CCSER2: variants seen among roughly 807,000 people sequenced by gnomAD.
CCSER2 encodes coiled-coil serine rich protein 2, also known as serine-rich coiled-coil domain-containing protein 2.
CCSER2 carries 46 observed loss-of-function variants against 92.3 expected under a neutral mutation model. That is an observed-to-expected ratio of 0.50 (90% confidence interval 0.39 to 0.64). The LOEUF (loss-of-function observed/expected upper bound fraction) is 0.64, where lower values mean the gene tolerates loss of function less well. Ranked by LOEUF, CCSER2 falls within the 30% of genes least tolerant of loss-of-function variation. CCSER2 has a pLI of 0.00. For synonymous variants in CCSER2, 433 were observed against 431.4 expected (o/e 1.00, Z -0.04); for missense variants, 1,244 against 1,238.9 (o/e 1.00, Z -0.06).
intron 3 of CCSER2, among the ~76,000 whole-genome samples, chr10:84,386,928 C>T (rs944551787): frequency 2.0e-5 from 3 of 152,048 alleles, no homozygotes; most frequent in Admixed American, 1.3e-4. Context: ...ATACTGGGGA[C>T]TTCAGAAGTG....
intron 1 of CCSER2, among the ~76,000 whole-genome samples, chr10:84,368,648 AT>A (rs201107124): frequency 2.0e-5 from 3 of 152,056 alleles, no homozygotes; most frequent in Admixed American, 6.6e-5. Flanking sequence ...AAAACCATGT[AT>A]TTTTTTAAAA....
At chr10:84,398,640 G>T (rs1841964101) in intron 3 of CCSER2, among the ~76,000 whole-genome samples, 1 of 152,150 alleles carries the variant, frequency 6.6e-6, no homozygotes, top group Non-Finnish European at 1.5e-5. Context: ...TGTTAAGGTA[G>T]GTTTGTTCCA....
At chr10:84,370,956 A>G in intron 1 of CCSER2, 58 bp from the exon 2 acceptor site, 1 of 758,536 alleles carries the variant, frequency 1.3e-6, no homozygotes, top group Non-Finnish European at 2.0e-6. Flanking sequence ...TTATGTAATA[A>G]TTCATGTAAT....
intron 1 of CCSER2, among the ~76,000 whole-genome samples, chr10:84,365,037 C>T (rs551547549): frequency 2.0e-5 from 3 of 151,668 alleles, no homozygotes; most frequent in East Asian, 1.9e-4. Context: ...TCACCACGCC[C>T]GGCCTGAAAA....
At chr10:84,380,931 G>A (rs1276478756) in intron 3 of CCSER2, among the ~76,000 whole-genome samples, 2 of 152,160 alleles carry the variant, frequency 1.3e-5, no homozygotes, top group East Asian at 1.9e-4. Context: ...TCCTGACCTC[G>A]TGATCTGCCC....
chr10:84,463,803 CCATTTGTTCTTCACCATGCTAG>C (rs1200869431), intron 6 of CCSER2, 108 bp from the exon 7 acceptor site: 16 of 588,962 alleles, frequency 2.7e-5, no homozygotes, highest in Admixed American at 1.3e-4. Context: ...ATTTTGTCTC[CCATTTGTTCTTCACCATGCTAG>C]CATTTGGTCT....
chr10:84,332,412 T>TATATATATA lies in CCSER2; in HGVS notation c.-40+3604_-40+3605insATATATATA, dbSNP rs1554828779. The stretch of plus-strand genomic sequence containing the variant: ...ATTTTATATTATTAAATTTATTTTT[T>TATATATATA]TATATATATATATATATATATATAT... On this transcript the variant is annotated intron_variant, in intron 1 of 9. Transcript: ENST00000372088. Among the ~76,000 whole-genome samples the TATATATATA allele has an allele frequency of 1.7e-4, 14 of 82,270 alleles. 1 individual carries two copies. Among genetic ancestry groups the TATATATATA allele is most frequent in the African/African-American group, 7.2e-4 (12 of 16,614 alleles). 54.0% of individuals were successfully genotyped at this position (82,270 alleles called of 152,430 possible). A position where few individuals can be genotyped will look rare whatever the true frequency, so the allele number is the denominator to read the frequency against.
chr10:84,494,756 G>T (rs1848354069), intron 9 of CCSER2, among the ~76,000 whole-genome samples: 1 of 152,146 alleles, frequency 6.6e-6, no homozygotes, highest in African/African-American at 2.4e-5. Flanking sequence ...TCATAACTCT[G>T]AGTCCTGACA....
At chr10:84,332,578 A>G (rs907276057) in intron 1 of CCSER2, among the ~76,000 whole-genome samples, 1 of 150,554 alleles carries the variant, frequency 6.6e-6, no homozygotes, top group African/African-American at 2.4e-5. Context: ...AGCTGGGACT[A>G]CAGGCACGCG....
chr10:84,387,653 C>T (rs1007004197), intron 3 of CCSER2, among the ~76,000 whole-genome samples: 8 of 150,804 alleles, frequency 5.3e-5, no homozygotes, highest in African/African-American at 1.7e-4. Context: ...CTCAGCCTCC[C>T]GAGTAGCTGG....
chr10:84,378,357 G>A lies in CCSER2; in HGVS notation c.1614+4542G>A, dbSNP rs907869040. Among the ~76,000 whole-genome samples the A allele has an allele frequency of 1.3e-5, 2 of 149,738 alleles. 1 individual carries two copies. The highest frequency in any genetic ancestry group is 4.9e-5 in the African/African-American group (2 of 40,780). On this transcript the variant is annotated intron_variant, in intron 3 of 9. Coordinates refer to ENST00000372088, the MANE Select transcript of CCSER2 (RefSeq NM_001284240.2). ...TCTTAGAATACATTCACTTGGTCGT[G>A]ATGTATTATCTTTTCAAATGTTGTT...
At chr10:84,442,314 A>G (rs1178468983) in intron 6 of CCSER2, among the ~76,000 whole-genome samples, 1 of 152,212 alleles carries the variant, frequency 6.6e-6, no homozygotes, top group Non-Finnish European at 1.5e-5. Context: ...TTTGAATTGT[A>G]TATTGATTTG....
chr10:84,508,309 A>G (rs1346552604), intron 9 of CCSER2, among the ~76,000 whole-genome samples: 3 of 152,218 alleles, frequency 2.0e-5, no homozygotes, highest in Admixed American at 6.5e-5. Flanking sequence ...GCTGTTCTCT[A>G]AGAGCCCAGA....
intron 3 of CCSER2, among the ~76,000 whole-genome samples, chr10:84,417,110 T>C (rs1018052097): frequency 4.6e-5 from 7 of 152,242 alleles, no homozygotes; most frequent in Admixed American, 4.6e-4. Flanking sequence ...ACCTTAGTTT[T>C]TGTTTATTCA....
At chr10:84,438,846 T>C in intron 6 of CCSER2, 139 bp downstream of exon 6, 1 of 550,026 alleles carries the variant, frequency 1.8e-6, no homozygotes, top group Non-Finnish European at 3.1e-6. Flanking sequence ...AAATAGTATA[T>C]AGTAGAAAGT....
chr10:84,412,870 A>G (rs972372430), intron 3 of CCSER2, among the ~76,000 whole-genome samples: 1 of 152,096 alleles, frequency 6.6e-6, no homozygotes, highest in African/African-American at 2.4e-5. Flanking sequence ...CTTTTCTCCC[A>G]AAAAAGGTGT....
chr10:84,364,015 T>C (rs528684584), intron 1 of CCSER2, among the ~76,000 whole-genome samples: 120 of 152,242 alleles, frequency 7.9e-4, no homozygotes, highest in South Asian at 5.4e-3. Context: ...TGTAACACAA[T>C]GGTAAGGAAT....
At chr10:84,347,745 C>T (rs1473743078) in intron 1 of CCSER2, among the ~76,000 whole-genome samples, 3 of 149,076 alleles carry the variant, frequency 2.0e-5, no homozygotes, top group South Asian at 2.1e-4. Flanking sequence ...TCAGACGGGG[C>T]GGCTGCCGGG....
At chr10:84,499,166 T>C (rs1848594011) in intron 9 of CCSER2, among the ~76,000 whole-genome samples, 1 of 152,112 alleles carries the variant, frequency 6.6e-6, no homozygotes, top group Admixed American at 6.5e-5. Context: ...GACGGAGTCT[T>C]GCTCTGTTGC....
Sources: gnomAD v4.1 joint callset for allele counts (sites outside exome capture counted in the v4.1 genomes callset) on GRCh38, gnomAD v4.1.1 for gene constraint, MANE v1.5 for transcripts, NCBI Gene and HGNC (gene_info 2026-07-23, HGNC 2026-07-21) for gene names.